The following GNAL variants were observed in gnomAD, a reference collection of about 807,000 sequenced individuals.
The protein encoded by GNAL is guanine nucleotide-binding protein G(olf) subunit alpha.
A neutral mutation model predicts 55.1 loss-of-function variants in GNAL; 18 were observed. The ratio of observed to expected loss-of-function variants is 0.33; its 90% CI spans 0.23 to 0.48. The LOEUF (loss-of-function observed/expected upper bound fraction) is 0.48, where lower values mean the gene tolerates loss of function less well. Ranked by LOEUF, GNAL falls within the 20% of genes least tolerant of loss-of-function variation. GNAL has a pLI of 0.99. For synonymous variants in GNAL, 253 were observed against 237.0 expected (o/e 1.07, Z -0.62); for missense variants, 412 against 614.1 (o/e 0.67, Z 3.48).
At chr18:11,690,178 C>T (rs1567986267) in intron 1 of GNAL, among the ~76,000 whole-genome samples, 1 of 152,142 alleles carries the variant, frequency 6.6e-6, no homozygotes, top group Admixed American at 6.5e-5. Context: ...TCTGCCCCTC[C>T]CAGTGCCTTG....
At chr18:11,759,941 G>A (rs2033186347) in intron 4 of GNAL, among the ~76,000 whole-genome samples, 1 of 152,008 alleles carries the variant, frequency 6.6e-6, no homozygotes, top group African/African-American at 2.4e-5. Flanking sequence ...TGTAAATCAG[G>A]TCAGCATGAG....
chr18:11,841,833 G>C (rs1053089177), intron 5 of GNAL, among the ~76,000 whole-genome samples: 4 of 152,044 alleles, frequency 2.6e-5, no homozygotes, highest in Admixed American at 6.6e-5. Context: ...GTTTGCATAG[G>C]GAATTACTTA....
At chr18:11,707,435 G>A (rs981357228) in intron 1 of GNAL, among the ~76,000 whole-genome samples, 3 of 152,008 alleles carry the variant, frequency 2.0e-5, no homozygotes, top group Non-Finnish European at 2.9e-5. Context: ...CTTTTTTTCC[G>A]AGCAATACGT....
At chr18:11,750,773 G>A (rs1276096885) in intron 1 of GNAL, among the ~76,000 whole-genome samples, 1 of 152,150 alleles carries the variant, frequency 6.6e-6, no homozygotes, top group African/African-American at 2.4e-5. Flanking sequence ...TGGCTGCGGT[G>A]GGCAGGAGGA....
At chr18:11,853,154 C>T (rs547374363) in intron 5 of GNAL, 2 of 167,086 alleles carry the variant, frequency 1.2e-5, no homozygotes, top group Non-Finnish European at 2.9e-5. Context: ...ATTAATTTGT[C>T]CAAAAGCAAG....
At chr18:11,727,263 G>C (rs1283145449) in intron 1 of GNAL, among the ~76,000 whole-genome samples, 1 of 152,212 alleles carries the variant, frequency 6.6e-6, no homozygotes, top group Non-Finnish European at 1.5e-5. Flanking sequence ...GAGCCGCAGG[G>C]TGTCAGGCAT....
intron 1 of GNAL, among the ~76,000 whole-genome samples, chr18:11,696,591 G>A (rs2031421480): frequency 6.6e-6 from 1 of 152,046 alleles, no homozygotes; most frequent in Non-Finnish European, 1.5e-5. Context: ...CTTTTATGTG[G>A]TATAACTTGT....
intron 1 of GNAL, among the ~76,000 whole-genome samples, chr18:11,714,357 G>A (rs1377478346): frequency 2.0e-5 from 3 of 152,186 alleles, no homozygotes; most frequent in African/African-American, 7.2e-5. Context: ...GACAGGAGGG[G>A]AAGGAGGGAA....
chr18:11,799,153 C>G (rs1205234348), intron 4 of GNAL, among the ~76,000 whole-genome samples: 1 of 151,802 alleles, frequency 6.6e-6, no homozygotes, highest in African/African-American at 2.4e-5. Context: ...CTTTTAACAT[C>G]TTTGGAAATT....
chr18:11,814,164 G>A (rs1004644219), intron 4 of GNAL, among the ~76,000 whole-genome samples: 1 of 152,086 alleles, frequency 6.6e-6, no homozygotes, highest in Non-Finnish European at 1.5e-5. Flanking sequence ...ACAAAAAAAG[G>A]ATAAACTCTA....
At chr18:11,743,197 G>A (rs2032615976) in intron 1 of GNAL, among the ~76,000 whole-genome samples, 1 of 152,094 alleles carries the variant, frequency 6.6e-6, no homozygotes, top group Non-Finnish European at 1.5e-5. Flanking sequence ...TGTTAGCCTA[G>A]GGGCCACATG....
At chr18:11,811,844 T>C (rs1416190948) in intron 4 of GNAL, among the ~76,000 whole-genome samples, 1 of 152,228 alleles carries the variant, frequency 6.6e-6, no homozygotes, top group Non-Finnish European at 1.5e-5. Flanking sequence ...AAATGTTACA[T>C]AATTCAAGCT....
Position 11,884,247 on chromosome 18 carries a change from G to C in GNAL, c.*3112G>C, listed in dbSNP as rs1053501794. 2 of 563,124 alleles carry C rather than the reference G, an allele frequency of 3.6e-6. No individual in the cohort carries two copies. The highest frequency in any genetic ancestry group is 3.7e-5 in the African/African-American group (2 of 53,446). The allele number at this position is 563,124 out of a possible 1,614,324, so 34.9% of individuals were successfully genotyped here. Reference sequence around the variant, plus strand: ...AAAATGAGAAAACAGATTTGTTGTAGAGTACCTGTCCACTTTTATAGCATG... The same window carrying C: ...AAAATGAGAAAACAGATTTGTTGTACAGTACCTGTCCACTTTTATAGCATG... On this transcript the variant is annotated 3_prime_UTR_variant, in exon 12 of 12. Transcript: ENST00000334049.
intron 7 of GNAL, among the ~76,000 whole-genome samples, chr18:11,866,886 A>G (rs2036274753): frequency 7.2e-6 from 1 of 139,626 alleles, no homozygotes; most frequent in Admixed American, 6.8e-5. Context: ...TTTATTAAGG[A>G]CCTACTGTGG....
intron 5 of GNAL, among the ~76,000 whole-genome samples, chr18:11,855,204 T>A (rs1405798858): frequency 6.6e-6 from 1 of 152,164 alleles, no homozygotes; most frequent in South Asian, 2.1e-4. Context: ...CCTCCCAAAG[T>A]GCTGGGATTA....
At chr18:11,808,617 C>T (rs2034726188) in intron 4 of GNAL, among the ~76,000 whole-genome samples, 1 of 152,204 alleles carries the variant, frequency 6.6e-6, no homozygotes. Flanking sequence ...CCAGATGTTT[C>T]TCTTGGGAAA....
intron 6 of GNAL, among the ~76,000 whole-genome samples, chr18:11,864,309 G>T (rs945529031): frequency 2.0e-5 from 3 of 152,012 alleles, no homozygotes; most frequent in Admixed American, 1.3e-4. Flanking sequence ...GGCCAGGCTG[G>T]TCTCAACTCC....
At chr18:11,766,123 G>A (rs138337531) in intron 4 of GNAL, among the ~76,000 whole-genome samples, 1 of 152,206 alleles carries the variant, frequency 6.6e-6, no homozygotes, top group African/African-American at 2.4e-5. Flanking sequence ...GAGTCAACAC[G>A]TGTGGTTTGT....
chr18:11,805,167 G>A (rs1170028363), intron 4 of GNAL, among the ~76,000 whole-genome samples: 1 of 119,960 alleles, frequency 8.3e-6, no homozygotes, highest in Non-Finnish European at 1.8e-5. Flanking sequence ...AGTGGAACAT[G>A]GAGATACTGT....
Sources: allele counts gnomAD v4.1 joint callset (sites outside exome capture counted in the v4.1 genomes callset), GRCh38; gene constraint gnomAD v4.1.1; transcripts MANE v1.5; gene names NCBI Gene and HGNC (gene_info 2026-07-23, HGNC 2026-07-21).